The following MAGI2 variants were observed in gnomAD, a reference collection of about 807,000 sequenced individuals.
MAGI2 encodes the protein membrane associated guanylate kinase, WW and PDZ domain containing 2.
MAGI2 carries 35 observed loss-of-function variants against 133.3 expected under a neutral mutation model. The observed-to-expected ratio is 0.26, with a 90% confidence interval of 0.20 to 0.35. The LOEUF (loss-of-function observed/expected upper bound fraction) is 0.35, where lower values mean the gene tolerates loss of function less well. Among genes scored for constraint, MAGI2 ranks in the 10% least tolerant of loss-of-function variants. The pLI is 1.00. For missense variants in MAGI2, 1,636 were observed against 1,863.4 expected (o/e 0.88, Z 2.25); for synonymous variants, 729 against 710.6 (o/e 1.03, Z -0.41).
At chr7:78,219,189 CCT>C (rs559927976) in intron 10 of MAGI2, among the ~76,000 whole-genome samples, 5 of 152,010 alleles carry the variant, frequency 3.3e-5, no homozygotes, top group Non-Finnish European at 1.5e-5. Flanking sequence ...TTGGGGTCTC[CCT>C]CTCTCTCATG....
chr7:79,155,801 T>G (rs1261529243), intron 1 of MAGI2, among the ~76,000 whole-genome samples: 1 of 152,056 alleles, frequency 6.6e-6, no homozygotes, highest in Non-Finnish European at 1.5e-5. Flanking sequence ...GAGGCAGGCA[T>G]GGGGTCAAGT....
In MAGI2 at chr7:78,343,941, C is replaced by T. The variant is rs1318193372; in HGVS notation, c.1245G>A (p.Arg415=). 1 of 1,608,486 alleles carries T rather than the reference C, an allele frequency of 6.2e-7. No individual in the cohort carries two copies. The highest frequency in any genetic ancestry group is 2.2e-5 in the East Asian group (1 of 44,646). The stretch of plus-strand genomic sequence containing the variant: ...ATGTTCCCTTCAACTGGGATGCATC[C>T]CGGGTGAAGAGTGGTTTTTCTACAT... ...PGFREKPLFT[R]DASQLKGTFL... is the part of the protein sequence containing the mutation. The change falls in exon 9 of 22, where the codon CGG becomes CGA. Residue 415 remains arginine (R), a synonymous_variant. Coordinates refer to ENST00000354212, the MANE Select transcript of MAGI2 (RefSeq NM_012301.4).
chr7:79,249,255 T>G (rs61043268), intron 1 of MAGI2, among the ~76,000 whole-genome samples: 29,147 of 151,906 alleles, frequency 0.19, 2,866 homozygotes, highest in African/African-American at 0.22. Flanking sequence ...CTTAAAGAAT[T>G]AGAAAAATAT....
intron 16 of MAGI2, among the ~76,000 whole-genome samples, chr7:78,148,287 C>T (rs183451793): frequency 1.3e-5 from 2 of 152,286 alleles, no homozygotes; most frequent in East Asian, 3.9e-4. Context: ...GGAAGCCAGA[C>T]TGAAAAGGCT....
intron 15 of MAGI2, among the ~76,000 whole-genome samples, chr7:78,163,231 G>A (rs182158562): frequency 6.2e-4 from 94 of 152,174 alleles, no homozygotes; most frequent in Middle Eastern, 3.4e-3. Context: ...TCTGCCTCCC[G>A]AGTTCATGCC....
intron 20 of MAGI2, among the ~76,000 whole-genome samples, chr7:78,107,368 C>T (rs974378226): frequency 1.3e-5 from 2 of 151,892 alleles, no homozygotes; most frequent in Non-Finnish European, 2.9e-5. Context: ...AGAATTTTTT[C>T]CCTATTTTTC....
At chr7:79,086,228 A>G (rs1816479055) in intron 1 of MAGI2, among the ~76,000 whole-genome samples, 1 of 151,874 alleles carries the variant, frequency 6.6e-6, no homozygotes. Context: ...AGTCAGGTCA[A>G]ATTTTAAAAG....
chr7:79,171,678 G>T (rs1446704725), intron 1 of MAGI2, among the ~76,000 whole-genome samples: 3 of 140,998 alleles, frequency 2.1e-5, no homozygotes, highest in Non-Finnish European at 3.1e-5. Context: ...AATAAAAATA[G>T]ATAGTAAGTA....
intron 3 of MAGI2, among the ~76,000 whole-genome samples, chr7:78,555,154 AAATAAATAAATAAATAAATG>A (rs1305144670): frequency 4.7e-5 from 5 of 107,522 alleles, no homozygotes; most frequent in South Asian, 2.9e-4. Flanking sequence ...ATAAATAAAT[AAATAAATAAATAAATAAATG>A]AATGATAGAG....
chr7:78,848,702 C>G (rs1792858448), intron 2 of MAGI2, among the ~76,000 whole-genome samples: 1 of 152,032 alleles, frequency 6.6e-6, no homozygotes. Context: ...TAAGACTTCT[C>G]TGCCTGCTGT....
At chr7:79,063,566 A>G (rs1024979147) in intron 1 of MAGI2, among the ~76,000 whole-genome samples, 3 of 152,066 alleles carry the variant, frequency 2.0e-5, no homozygotes, top group Admixed American at 6.6e-5. Context: ...GGCAACTAGG[A>G]AGGAGGCAAA....
intron 10 of MAGI2, among the ~76,000 whole-genome samples, chr7:78,233,516 C>G (rs1790196737): frequency 6.6e-6 from 1 of 152,048 alleles, no homozygotes; most frequent in South Asian, 2.1e-4. Context: ...GCTATTCCTA[C>G]AAGAATCACT....
At position 78,655,464 on chromosome 7, in the gene MAGI2, A is replaced by AAAAAAACAAAAAAC. The variant is rs1554515314; in HGVS notation, c.419-28226_419-28225insGTTTTTTGTTTTTT. Among the ~76,000 whole-genome samples, 143 of 147,146 alleles carry AAAAAAACAAAAAAC rather than the reference A, an allele frequency of 9.7e-4. 2 individuals are homozygous for AAAAAAACAAAAAAC. Among genetic ancestry groups the AAAAAAACAAAAAAC allele is most frequent in the Admixed American group, 2.4e-3 (34 of 14,232 alleles). Reference sequence around the variant, plus strand: ...ACAAAAAAAAACAACCAAAAAAAAAAAAAAAAAAAAACCACCAGAAAAAAA... The same window carrying AAAAAAACAAAAAAC: ...ACAAAAAAAAACAACCAAAAAAAAAAAAAAAACAAAAAACAAAAAAAAAAACCACCAGAAAAAAA... On this transcript the variant is annotated intron_variant, in intron 2 of 21. Coordinates refer to ENST00000354212, the MANE Select transcript of MAGI2 (RefSeq NM_012301.4).
intron 7 of MAGI2, among the ~76,000 whole-genome samples, chr7:78,349,052 G>A (rs141132485): frequency 4.6e-5 from 7 of 152,204 alleles, no homozygotes; most frequent in Middle Eastern, 3.4e-3. Flanking sequence ...TTTCTGTGAC[G>A]TAGTATACAG....
In MAGI2 at chr7:79,003,992, C is replaced by A. The variant is rs1314046593; in HGVS notation, c.418+3098G>T. 3.9e-5 allele frequency among the ~76,000 whole-genome samples: 6 copies of A among 152,268 alleles called. No individual in the cohort carries two copies. In the East Asian group the frequency reaches 1.2e-3, roughly 29 times the overall value. On this transcript the variant is annotated intron_variant, in intron 2 of 21. Transcript: ENST00000354212. ...ATGCAGGGAAAAGGGCACTCTTACACTCTGTTGGTAGGAATGTAAATTAGT... is the reference window on the plus strand; with the variant it reads ...ATGCAGGGAAAAGGGCACTCTTACAATCTGTTGGTAGGAATGTAAATTAGT...
chr7:78,885,896 G>A (rs1423780568), intron 2 of MAGI2, among the ~76,000 whole-genome samples: 1 of 152,050 alleles, frequency 6.6e-6, no homozygotes, highest in East Asian at 1.9e-4. Context: ...TCAGCTCTTT[G>A]GCATCATGGC....
At chr7:78,767,241 G>T (rs551438604) in intron 2 of MAGI2, among the ~76,000 whole-genome samples, 1 of 151,616 alleles carries the variant, frequency 6.6e-6, no homozygotes, top group African/African-American at 2.4e-5. Context: ...CGCCTGCCTC[G>T]GCCTTCCAAA....
chr7:78,250,253 G>A (rs948081592), intron 10 of MAGI2, among the ~76,000 whole-genome samples: 1 of 151,914 alleles, frequency 6.6e-6, no homozygotes, highest in African/African-American at 2.4e-5. Context: ...AAAAGATTTG[G>A]GAAATTCCAA....
chr7:78,418,171 A>G (rs1798471458), intron 6 of MAGI2, among the ~76,000 whole-genome samples: 1 of 152,204 alleles, frequency 6.6e-6, no homozygotes. Context: ...GCAGAAAAAT[A>G]TGGCAACAGA....
Sources: gnomAD v4.1 joint callset for allele counts (sites outside exome capture counted in the v4.1 genomes callset) on GRCh38, gnomAD v4.1.1 for gene constraint, MANE v1.5 for transcripts, NCBI Gene and HGNC (gene_info 2026-07-23, HGNC 2026-07-21) for gene names.